Variants in JARID2 observed in about 807,000 individuals in gnomAD.
JARID2 encodes jumonji and AT-rich interaction domain containing 2.
Under a neutral mutation model 125.6 loss-of-function variants are expected in JARID2, and 21 were observed. That is an observed-to-expected ratio of 0.17 (90% confidence interval 0.12 to 0.24). The LOEUF is 0.24. Ranked by LOEUF, JARID2 falls within the 10% of genes least tolerant of loss-of-function variation. The pLI is 1.00. For synonymous variants in JARID2, 736 were observed against 661.6 expected, an observed-to-expected ratio of 1.11 and a Z score of -1.73; for missense variants, 1,303 against 1,639.6, an observed-to-expected ratio of 0.79 and a Z score of 3.55.
In JARID2 at chr6:15,496,419, G is replaced by T. The variant is rs1770427814; in HGVS notation, c.1194G>T (p.Lys398Asn). ...KQVLSLGGAS[K>N]STGPAVNGLK... ...TGCTATCCCTCGGGGGGGCGTCCAA[G>T]TCCACTGGGCCCGCCGTCAATGGCC... Residue 398 changes from lysine (K) to asparagine (N), a missense_variant, in exon 7 of 18, where the codon AAG (lysine) becomes AAT (asparagine). Physicochemically the swap from Lys to Asn is moderately conservative, Grantham distance 94. Around this residue, in one of 11 missense-constraint regions of JARID2, gnomAD observed 651 missense variants for 581.6 expected, o/e 1.12. Coordinates refer to ENST00000341776, the MANE Select transcript of JARID2 (RefSeq NM_004973.4). 1.2e-6 allele frequency: 2 copies of T among 1,613,644 alleles called. No homozygotes were observed. Among genetic ancestry groups the T allele is most frequent in the Non-Finnish European group, 1.7e-6 (2 of 1,179,912 alleles).
At chr6:15,432,924 G>C (rs544639105) in intron 3 of JARID2, among the ~76,000 whole-genome samples, 1 of 152,280 alleles carries the variant, frequency 6.6e-6, no homozygotes, top group South Asian at 2.1e-4. Context: ...ACATGTAAGC[G>C]TGCATCAGAA....
chr6:15,261,160 G>C (rs1487312327), intron 1 of JARID2, among the ~76,000 whole-genome samples: 2 of 152,152 alleles, frequency 1.3e-5, no homozygotes, highest in African/African-American at 4.8e-5. Context: ...TTAATGGTAA[G>C]AAGAGTCCTA....
chr6:15,421,216 C>G (rs934233848), intron 3 of JARID2, among the ~76,000 whole-genome samples: 1 of 152,104 alleles, frequency 6.6e-6, no homozygotes, highest in Non-Finnish European at 1.5e-5. Context: ...CAGTATGTTG[C>G]TATATGGTGG....
At position 15,381,341 on chromosome 6, in the gene JARID2, C is replaced by CAAA. The variant is rs11358363; in HGVS notation, c.181+7109_181+7111dup. Among the ~76,000 whole-genome samples the CAAA allele has an allele frequency of 7.1e-3, 660 of 92,944 alleles. 7 individuals are homozygous for CAAA. Among genetic ancestry groups the CAAA allele is most frequent in the African/African-American group, 0.027 (622 of 23,048 alleles). 61.0% of individuals were successfully genotyped at this position (92,944 alleles called of 152,430 possible). On this transcript the variant is annotated intron_variant, in intron 2 of 17. Coordinates refer to ENST00000341776, the MANE Select transcript of JARID2 (RefSeq NM_004973.4). ...GGGCGACAGAGGGAGACTCCTGTCT[C>CAAA]AAAAAAAAAAAAAAAAAAAAAAGTG...
chr6:15,511,307 C>T lies in JARID2; in HGVS notation c.2858C>T (p.Pro953Leu). The change falls in exon 13 of 18, where the codon CCT (proline) becomes CTT (leucine). Residue 953 changes from proline (P) to leucine (L), a missense_variant. Pro to Leu is a moderately conservative substitution (Grantham distance 98). Coordinates refer to ENST00000341776, the MANE Select transcript of JARID2 (RefSeq NM_004973.4). ...TGADCIWYCI[P>L]AEEENKLEDV... ...TCTCAATGACCCAGGTATTGCATTC[C>T]TGCTGAGGAGGAGAACAAGCTGGAA... The T allele has an allele frequency of 6.2e-7, 1 of 1,613,254 alleles. No homozygotes were observed. Among genetic ancestry groups the T allele is most frequent in the Non-Finnish European group, 8.5e-7 (1 of 1,179,244 alleles).
chr6:15,263,074 TTGTGTGTGTGTGTG>T (rs561238062), intron 1 of JARID2, among the ~76,000 whole-genome samples: 3,066 of 139,794 alleles, frequency 0.022, 36 homozygotes, highest in African/African-American at 0.031. Context: ...GGGTGTGTGT[TTGTGTGTGTGTGTG>T]TGTGTGTGTG....
chr6:15,388,298 G>A lies in JARID2; in HGVS notation c.181+14046G>A, dbSNP rs574408770. Among the ~76,000 whole-genome samples, 5 of 152,130 alleles carry A rather than the reference G, an allele frequency of 3.3e-5. No individual in the cohort carries two copies. In the South Asian group the frequency reaches 1.0e-3, roughly 32 times the overall value. Reference sequence around the variant, plus strand: ...AGCCACTTTAAATGTTTAGAGTCCTGTATGGTATATCTTTAAAAGCCAGAA... The same window carrying A: ...AGCCACTTTAAATGTTTAGAGTCCTATATGGTATATCTTTAAAAGCCAGAA... On this transcript the variant is annotated intron_variant, in intron 2 of 17. Transcript: ENST00000341776.
At chr6:15,511,530 G>A in intron 13 of JARID2, 129 bp downstream of exon 13, 1 of 670,442 alleles carries the variant, frequency 1.5e-6, no homozygotes, top group Non-Finnish European at 2.7e-6. Flanking sequence ...GGGTGCAAAG[G>A]GAAAGGTCCT....
intron 9 of JARID2, among the ~76,000 whole-genome samples, chr6:15,506,712 G>A (rs755555544): frequency 7.2e-5 from 11 of 152,148 alleles, no homozygotes; most frequent in Middle Eastern, 3.2e-3. Context: ...AAGTCACTTC[G>A]GAAGCTTTAT....
At position 15,367,766 on chromosome 6, in the gene JARID2, T is replaced by C. The variant is rs191237971; in HGVS notation, c.46-6351T>C. On this transcript the variant is annotated intron_variant, in intron 1 of 17. Transcript: ENST00000341776. ...GAGCAGAGAAATCATGATTATTAAA[T>C]GCAGGTGGTGCTGAGCTCACTGCCC... Among the ~76,000 whole-genome samples, 10 of 152,344 alleles carry C rather than the reference T, an allele frequency of 6.6e-5. No homozygotes were observed. The East Asian group carries it at 1.9e-3, about 29-fold the overall frequency.
chr6:15,520,242 CTCA>C lies in JARID2; in HGVS notation c.3737_3739del (p.Ser1246del), dbSNP rs981466981. The stretch of plus-strand genomic sequence containing the variant: ...CCAGTTCATCCAAAAGTGCTTCGAG[CTCA>C]TCATGAAGATGCCAACGCCCGTGGT... On this transcript the variant is annotated inframe_deletion, in exon 18 of 18. Coordinates refer to ENST00000341776, the MANE Select transcript of JARID2 (RefSeq NM_004973.4). The C allele has an allele frequency of 2.5e-6, 4 of 1,604,030 alleles. No homozygotes were observed. The Middle Eastern group carries it at 5.0e-4, about 199-fold the overall frequency.
intron 8 of JARID2, among the ~76,000 whole-genome samples, chr6:15,501,902 G>A (rs1770756362): frequency 1.3e-5 from 2 of 152,174 alleles, no homozygotes; most frequent in Non-Finnish European, 2.9e-5. Context: ...GTTTCATCCT[G>A]GTGCTCGACA....
chr6:15,320,852 CTGTGTGTGTGTGTG>C (rs71944757), intron 1 of JARID2, among the ~76,000 whole-genome samples: 2 of 145,410 alleles, frequency 1.4e-5, no homozygotes, highest in East Asian at 2.0e-4. Flanking sequence ...CTCTCTCTCT[CTGTGTGTGTGTGTG>C]TGTGTGTGTG....
At chr6:15,323,970 C>T (rs1196768094) in intron 1 of JARID2, among the ~76,000 whole-genome samples, 2 of 151,476 alleles carry the variant, frequency 1.3e-5, no homozygotes, top group Non-Finnish European at 2.9e-5. Context: ...ATCACAAGGT[C>T]AGCAGATCGA....
At chr6:15,248,359 CGGGCAGGA>C (rs1316502575) in intron 1 of JARID2, among the ~76,000 whole-genome samples, 2 of 125,978 alleles carry the variant, frequency 1.6e-5, no homozygotes, top group African/African-American at 2.9e-5. Flanking sequence ...GGCTTGCAGG[CGGGCAGGA>C]GGGCGGGTGG....
chr6:15,403,021 A>G (rs1765499399), intron 2 of JARID2, among the ~76,000 whole-genome samples: 1 of 152,130 alleles, frequency 6.6e-6, no homozygotes, highest in Non-Finnish European at 1.5e-5. Context: ...TATTCTAGGT[A>G]CTGTACTTGT....
intron 8 of JARID2, among the ~76,000 whole-genome samples, chr6:15,502,536 T>A (rs1199943156): frequency 1.3e-5 from 2 of 152,240 alleles, no homozygotes; most frequent in Non-Finnish European, 2.9e-5. Flanking sequence ...TGCCCACGGC[T>A]GCCTGACTGC....
intron 1 of JARID2, among the ~76,000 whole-genome samples, chr6:15,301,757 C>A (rs1761632817): frequency 6.6e-6 from 1 of 152,158 alleles, no homozygotes; most frequent in African/African-American, 2.4e-5. Context: ...GCATTAAATT[C>A]AAATCAGTAA....
Position 15,396,038 on chromosome 6 carries a change from C to T in JARID2, c.182-14186C>T, listed in dbSNP as rs77160871. Among the ~76,000 whole-genome samples, 1,144 of 152,258 alleles carry T rather than the reference C, an allele frequency of 7.5e-3. 15 individuals are homozygous for T. Among genetic ancestry groups the T allele is most frequent in the African/African-American group, 0.026 (1,085 of 41,528 alleles). On this transcript the variant is annotated intron_variant, in intron 2 of 17. Transcript: ENST00000341776. ...AAACAGCTTTTTTGTGATTCTGGTT[C>T]AATTTTACTTTATACTATTGAGTAA...
Sources: gnomAD v4.1 joint callset for allele counts (sites outside exome capture counted in the v4.1 genomes callset) on GRCh38, gnomAD v4.1.1 for gene constraint, gnomAD v4.1.1 regional missense constraint, MANE v1.5 for transcripts, NCBI Gene and HGNC (gene_info 2026-07-23, HGNC 2026-07-21) for gene names.